Variants in ASTN2 observed in about 807,000 individuals in gnomAD.
ASTN2 encodes the protein astrotactin-2.
Under a neutral mutation model 139.8 loss-of-function variants are expected in ASTN2, and 54 were observed. The observed-to-expected ratio is 0.39, with a 90% CI of 0.31 to 0.48. ASTN2 has a LOEUF of 0.48. Ranked by LOEUF, ASTN2 falls within the 20% of genes least tolerant of loss-of-function variation. ASTN2 has a pLI of 0.95. For missense variants in ASTN2, 1,565 were observed against 1,725.1 expected (o/e 0.91, Z 1.64); for synonymous variants, 756 against 719.5 (o/e 1.05, Z -0.81).
intron 17 of ASTN2, among the ~76,000 whole-genome samples, chr9:116,626,154 G>GTTTTTTTTTTTTTTTT (rs751026997): frequency 8.7e-5 from 3 of 34,440 alleles, no homozygotes; most frequent in Non-Finnish European, 1.1e-4. Context: ...TAGTTTTTGT[G>GTTTTTTTTTTTTTTTT]TTTTTTTTTT....
At chr9:117,412,210 G>T (rs181097866) in intron 1 of ASTN2, among the ~76,000 whole-genome samples, 24 of 152,262 alleles carry the variant, frequency 1.6e-4, no homozygotes, top group African/African-American at 5.3e-4. Flanking sequence ...AGCGCCTAAA[G>T]CTGCCAGCCC....
intron 19 of ASTN2, among the ~76,000 whole-genome samples, chr9:116,590,812 G>C (rs1198697957): frequency 6.6e-6 from 1 of 152,174 alleles, no homozygotes; most frequent in Non-Finnish European, 1.5e-5. Context: ...GAGCTACCCA[G>C]GAAGGAGCTT....
At chr9:117,289,388 G>C (rs1046493303) in intron 2 of ASTN2, among the ~76,000 whole-genome samples, 1 of 152,158 alleles carries the variant, frequency 6.6e-6, no homozygotes, top group Non-Finnish European at 1.5e-5. Flanking sequence ...TTTCGAAGCT[G>C]AACTCACTGA....
intron 7 of ASTN2, among the ~76,000 whole-genome samples, chr9:116,990,005 A>G (rs764056912): frequency 4.6e-5 from 7 of 151,650 alleles, no homozygotes; most frequent in Non-Finnish European, 8.8e-5. Flanking sequence ...GTTCTTTACT[A>G]TTTGTCTTTC....
At chr9:116,511,322 T>G (rs1402270799) in intron 19 of ASTN2, among the ~76,000 whole-genome samples, 1 of 152,232 alleles carries the variant, frequency 6.6e-6, no homozygotes, top group East Asian at 1.9e-4. Flanking sequence ...TTTGCATATG[T>G]TGAACCAGCC....
At chr9:117,030,294 A>G (rs1838210784) in intron 6 of ASTN2, among the ~76,000 whole-genome samples, 1 of 152,200 alleles carries the variant, frequency 6.6e-6, no homozygotes, top group Non-Finnish European at 1.5e-5. Flanking sequence ...TTTCCGTTCT[A>G]AAAGTCAAAG....
chr9:116,920,331 C>A (rs923043301), intron 10 of ASTN2, among the ~76,000 whole-genome samples: 2 of 152,130 alleles, frequency 1.3e-5, no homozygotes, highest in Non-Finnish European at 2.9e-5. Flanking sequence ...GGCTTAAAAG[C>A]AGAAGAATGG....
chr9:117,411,576 T>C (rs1042510072), intron 1 of ASTN2, among the ~76,000 whole-genome samples: 19 of 151,488 alleles, frequency 1.3e-4, no homozygotes, highest in African/African-American at 4.4e-4. Flanking sequence ...AGATGGGAGA[T>C]AGTGCATGCA....
chr9:117,360,292 T>C (rs1436230554), intron 1 of ASTN2, among the ~76,000 whole-genome samples: 1 of 152,026 alleles, frequency 6.6e-6, no homozygotes, highest in East Asian at 1.9e-4. Context: ...ATACAGGCAA[T>C]TAAATAGGTA....
chr9:117,180,627 CTTTTTTT>C, intron 3 of ASTN2: 7 of 939,626 alleles, frequency 7.4e-6, no homozygotes, highest in Admixed American at 2.4e-5. Context: ...TCTGGAGTAT[CTTTTTTT>C]TTTTTTTTTT....
At chr9:117,137,405 G>A (rs938817771) in intron 4 of ASTN2, among the ~76,000 whole-genome samples, 4 of 152,132 alleles carry the variant, frequency 2.6e-5, no homozygotes, top group South Asian at 4.1e-4. Flanking sequence ...GGCAGCCCAC[G>A]GCAACCTCAA....
chr9:116,679,919 C>G (rs1330467879), intron 16 of ASTN2, among the ~76,000 whole-genome samples: 2 of 152,082 alleles, frequency 1.3e-5, no homozygotes, highest in Non-Finnish European at 2.9e-5. Flanking sequence ...TAAGAGAAAG[C>G]AGGAAAGATC....
At chr9:117,162,109 A>C (rs1227702839) in intron 3 of ASTN2, among the ~76,000 whole-genome samples, 1 of 152,078 alleles carries the variant, frequency 6.6e-6, no homozygotes, top group African/African-American at 2.4e-5. Flanking sequence ...CACCCAATAG[A>C]TCATGAGAAA....
chr9:117,403,914 C>T (rs1308983785), intron 1 of ASTN2, among the ~76,000 whole-genome samples: 1 of 151,798 alleles, frequency 6.6e-6, no homozygotes, highest in Non-Finnish European at 1.5e-5. Context: ...TTTTGCCTTG[C>T]TGGGGAGGAG....
chr9:116,943,052 C>A (rs1835285030), intron 10 of ASTN2, among the ~76,000 whole-genome samples: 1 of 152,166 alleles, frequency 6.6e-6, no homozygotes, highest in Non-Finnish European at 1.5e-5. Context: ...AGTTTCTTAA[C>A]CATATTAAAT....
intron 3 of ASTN2, among the ~76,000 whole-genome samples, chr9:117,142,439 TCA>T (rs1830097556): frequency 6.6e-6 from 1 of 152,146 alleles, no homozygotes; most frequent in African/African-American, 2.4e-5. Flanking sequence ...GATATGTCGA[TCA>T]CTTAGCAACA....
chr9:117,248,232 G>A (rs1281023806), intron 2 of ASTN2, among the ~76,000 whole-genome samples: 1 of 152,188 alleles, frequency 6.6e-6, no homozygotes, highest in Non-Finnish European at 1.5e-5. Flanking sequence ...GCTTCGAATG[G>A]TGAGTACACA....
In ASTN2 at chr9:116,425,312, C is replaced by T. The variant is rs1280206967; in HGVS notation, c.*539G>A. On this transcript the variant is annotated 3_prime_UTR_variant, in exon 23 of 23. Coordinates refer to ENST00000313400, the MANE Select transcript of ASTN2 (RefSeq NM_001365068.1). The stretch of plus-strand genomic sequence containing the variant: ...CAGGTAGCAGGAAGAGGCAGGGTCC[C>T]ACAAACTCAATAATGTCCAGCAAAA... The T allele has an allele frequency of 2.0e-6, 1 of 490,656 alleles. No homozygotes were observed. Among genetic ancestry groups the T allele is most frequent in the Admixed American group, 4.0e-5 (1 of 25,070 alleles). The allele number at this position is 490,656 out of a possible 1,614,324, so 30.4% of individuals were successfully genotyped here.
At chr9:117,235,567 CTACT>C (rs1483239097) in intron 2 of ASTN2, among the ~76,000 whole-genome samples, 1 of 152,104 alleles carries the variant, frequency 6.6e-6, no homozygotes, top group African/African-American at 2.4e-5. Context: ...GTAAAATAAA[CTACT>C]ACTACAACAA....
Sources: gnomAD v4.1 joint callset for allele counts (sites outside exome capture counted in the v4.1 genomes callset) on GRCh38, gnomAD v4.1.1 for gene constraint, MANE v1.5 for transcripts, NCBI Gene and HGNC (gene_info 2026-07-23, HGNC 2026-07-21) for gene names.